TTC28: variants seen among roughly 807,000 people sequenced by gnomAD.
The protein encoded by TTC28 is tetratricopeptide repeat protein 28.
In TTC28, 61 loss-of-function variants were observed where a neutral mutation model predicts 198.0. The ratio of observed to expected loss-of-function variants is 0.31; its 90% CI spans 0.25 to 0.38. The LOEUF is 0.38. Among genes scored for constraint, TTC28 ranks in the 10% least tolerant of loss-of-function variants. The pLI is 1.00. For synonymous variants in TTC28, 1,171 were observed against 1,297.8 expected (o/e 0.90, Z 2.10); for missense variants, 2,678 against 3,164.0 (o/e 0.85, Z 3.69).
chr22:28,507,946 C>T (rs1686426097), intron 2 of TTC28, among the ~76,000 whole-genome samples: 2 of 152,156 alleles, frequency 1.3e-5, no homozygotes, highest in South Asian at 4.1e-4. Context: ...CCAGCCACTA[C>T]AAAAACACAC....
intron 5 of TTC28, among the ~76,000 whole-genome samples, chr22:28,197,442 A>C (rs1179910156): frequency 6.6e-6 from 1 of 152,078 alleles, no homozygotes; most frequent in African/African-American, 2.4e-5. Context: ...TAAAAAAAGG[A>C]ATAGAAATTA....
intron 2 of TTC28, among the ~76,000 whole-genome samples, chr22:28,527,725 T>A (rs2049034966): frequency 6.6e-6 from 1 of 152,162 alleles, no homozygotes. Flanking sequence ...AGCCTTGACC[T>A]CCTGGGATCA....
intron 2 of TTC28, among the ~76,000 whole-genome samples, chr22:28,491,244 C>A (rs570465540): frequency 1.4e-4 from 22 of 152,212 alleles, no homozygotes; most frequent in Middle Eastern, 6.8e-3. Context: ...GCAACAAAAG[C>A]CAAAATTGAC....
chr22:28,444,841 C>A (rs1023590290), intron 2 of TTC28, among the ~76,000 whole-genome samples: 1 of 152,182 alleles, frequency 6.6e-6, no homozygotes, highest in African/African-American at 2.4e-5. Flanking sequence ...GTTCCAAGTA[C>A]TAGAAATATG....
At chr22:28,210,667 T>A (rs1001161544) in intron 5 of TTC28, among the ~76,000 whole-genome samples, 4 of 152,260 alleles carry the variant, frequency 2.6e-5, no homozygotes, top group Non-Finnish European at 5.9e-5. Context: ...GTCTGATTGG[T>A]GTACCTGAAA....
intron 2 of TTC28, among the ~76,000 whole-genome samples, chr22:28,307,128 G>A (rs1261777034): frequency 1.3e-5 from 2 of 152,056 alleles, no homozygotes; most frequent in African/African-American, 4.8e-5. Context: ...TTTTAATAAT[G>A]AGTGACACAA....
intron 2 of TTC28, among the ~76,000 whole-genome samples, chr22:28,419,520 T>C (rs1463208083): frequency 1.3e-5 from 2 of 152,244 alleles, no homozygotes; most frequent in Non-Finnish European, 2.9e-5. Context: ...TAAATTTACA[T>C]ACCAAAAGAG....
At chr22:28,191,094 T>G (rs534128500) in intron 5 of TTC28, among the ~76,000 whole-genome samples, 2 of 152,316 alleles carry the variant, frequency 1.3e-5, no homozygotes, top group African/African-American at 4.8e-5. Context: ...CTAGACCTCC[T>G]GGCATATTTC....
chr22:28,228,894 C>T (rs780164925), intron 5 of TTC28, among the ~76,000 whole-genome samples: 4 of 152,130 alleles, frequency 2.6e-5, no homozygotes, highest in African/African-American at 9.7e-5. Context: ...TGGTGGCTCA[C>T]GCCTGTAATC....
chr22:28,334,224 G>A (rs2045667507), intron 2 of TTC28, among the ~76,000 whole-genome samples: 1 of 151,788 alleles, frequency 6.6e-6, no homozygotes, highest in Non-Finnish European at 1.5e-5. Context: ...GTGTATATGT[G>A]CCACATTTTC....
intron 12 of TTC28, among the ~76,000 whole-genome samples, chr22:28,032,433 C>T (rs927222392): frequency 6.6e-6 from 1 of 151,196 alleles, no homozygotes; most frequent in African/African-American, 2.4e-5. Context: ...CTTTTCTCCC[C>T]AGCCTTCATA....
chr22:28,153,411 A>C (rs969539226), intron 6 of TTC28, among the ~76,000 whole-genome samples: 7 of 150,698 alleles, frequency 4.6e-5, no homozygotes, highest in African/African-American at 1.2e-4. Flanking sequence ...AAAAAAAAAA[A>C]AAAAAAACCT....
intron 2 of TTC28, among the ~76,000 whole-genome samples, chr22:28,527,688 T>G (rs537410689): frequency 6.6e-6 from 1 of 152,262 alleles, no homozygotes; most frequent in Admixed American, 6.5e-5. Flanking sequence ...CAGGCTGGAG[T>G]GCAGTGGCAC....
intron 12 of TTC28, among the ~76,000 whole-genome samples, chr22:28,081,740 C>A (rs1452539789): frequency 1.3e-5 from 2 of 152,160 alleles, no homozygotes; most frequent in Non-Finnish European, 2.9e-5. Flanking sequence ...GATTCACCCG[C>A]CTCAGCCTCC....
intron 2 of TTC28, among the ~76,000 whole-genome samples, chr22:28,463,279 T>A (rs565458036): frequency 6.6e-6 from 1 of 152,310 alleles, no homozygotes; most frequent in Non-Finnish European, 1.5e-5. Context: ...CTTTTTTGGT[T>A]CCATATGAAT....
At chr22:28,532,892 T>C (rs1247401856) in intron 2 of TTC28, among the ~76,000 whole-genome samples, 2 of 152,182 alleles carry the variant, frequency 1.3e-5, no homozygotes, top group Non-Finnish European at 2.9e-5. Context: ...AAACTAGGTA[T>C]TGATGGGACG....
At chr22:28,296,898 A>G (rs1234017825) in intron 4 of TTC28, among the ~76,000 whole-genome samples, 1 of 152,236 alleles carries the variant, frequency 6.6e-6, no homozygotes, top group Non-Finnish European at 1.5e-5. Flanking sequence ...TAAGTGGCAG[A>G]GCCAGGATTC....
At chr22:28,194,288 T>A (rs1268763022) in intron 5 of TTC28, among the ~76,000 whole-genome samples, 7 of 152,156 alleles carry the variant, frequency 4.6e-5, no homozygotes, top group Non-Finnish European at 8.8e-5. Flanking sequence ...AAGCAGTGCG[T>A]AGAGGGAAAT....
intron 5 of TTC28, among the ~76,000 whole-genome samples, chr22:28,294,758 G>C (rs1002935208): frequency 1.3e-5 from 2 of 151,982 alleles, no homozygotes; most frequent in Non-Finnish European, 2.9e-5. Flanking sequence ...AAGTAGAGAC[G>C]GGGTTTCACC....
Sources: allele counts gnomAD v4.1 joint callset (sites outside exome capture counted in the v4.1 genomes callset), GRCh38; gene constraint gnomAD v4.1.1; transcripts MANE v1.5; gene names NCBI Gene and HGNC (gene_info 2026-07-23, HGNC 2026-07-21).